Variants in EPB41L1 observed in about 807,000 individuals in gnomAD.
EPB41L1 encodes erythrocyte membrane protein band 4.1 like 1, also known as band 4.1-like protein 1.
A neutral mutation model predicts 97.8 loss-of-function variants in EPB41L1; 29 were observed. That is an observed-to-expected ratio of 0.30 (90% CI 0.22 to 0.40). The LOEUF (loss-of-function observed/expected upper bound fraction) is 0.40, where lower values mean the gene tolerates loss of function less well. EPB41L1 is among the 10% of genes least tolerant of loss of function. The probability of loss-of-function intolerance (pLI) is 1.00; values close to 1 mark genes in which losing one functional copy is unlikely to be tolerated. For synonymous variants in EPB41L1, 383 were observed against 459.2 expected (o/e 0.83, Z 2.12); for missense variants, 812 against 1,162.3 (o/e 0.70, Z 4.38).
chr20:36,185,217 G>A lies in EPB41L1; in HGVS notation c.667G>A (p.Glu223Lys). 1 of 1,613,850 alleles carries A rather than the reference G, an allele frequency of 6.2e-7. No homozygotes were observed. The highest frequency in any genetic ancestry group is 8.5e-7 in the Non-Finnish European group (1 of 1,180,044). The change falls in exon 7 of 22, where the codon GAG (glutamate) becomes AAG (lysine). Residue 223 changes from glutamate to lysine, a missense_variant. By Grantham distance (56) the Glu-to-Lys change is moderately conservative. Around this residue, in one of 3 missense-constraint regions of EPB41L1, gnomAD observed 230 missense variants for 445.2 expected, o/e 0.52. Transcript: ENST00000338074. ...ACTGGGCTCCTACGCTGTGCAGGCT[G>A]AGCTGGGTGACTATGATGCTGAGGA... ...ALLGSYAVQA[E>K]LGDYDAEEHV...
At chr20:36,210,172 GC>G (rs1212135874) in intron 15 of EPB41L1, among the ~76,000 whole-genome samples, 2 of 152,062 alleles carry the variant, frequency 1.3e-5, no homozygotes, top group Non-Finnish European at 2.9e-5. Context: ...TTGACCCCAT[GC>G]CCCCCCACCT....
Position 36,195,878 on chromosome 20 carries a change from G to A in EPB41L1, c.1485+514G>A, listed in dbSNP as rs991677823. ...GGGAGTGGGGATTGGGGGTGGGGGAGGGAGGTGCCTCAGAGCACACCTGCA... is the reference window on the plus strand; with the variant it reads ...GGGAGTGGGGATTGGGGGTGGGGGAAGGAGGTGCCTCAGAGCACACCTGCA... On this transcript the variant is annotated intron_variant, in intron 13 of 21. Transcript: ENST00000338074. The surrounding 1 kb of genome is among the most constrained non-coding windows in gnomAD (Gnocchi z 4.6). 3.3e-5 allele frequency among the ~76,000 whole-genome samples: 5 copies of A among 152,222 alleles called. No homozygotes were observed. The highest frequency in any genetic ancestry group is 1.2e-4 in the African/African-American group (5 of 41,544).
intron 17 of EPB41L1, among the ~76,000 whole-genome samples, chr20:36,214,717 G>T (rs891103592): frequency 6.6e-6 from 1 of 152,090 alleles, no homozygotes; most frequent in Non-Finnish European, 1.5e-5. Context: ...GAGAGAGAGA[G>T]GATGGTCTTC....
rs1166041123 is a variant in EPB41L1 at position 36,197,939 on chromosome 20, C to T, written c.1566C>T (p.Asn522=). The stretch of plus-strand genomic sequence containing the variant: ...TCAAAAGGACCCTGAAGGAGCCCAA[C>T]AGCAAACTCATCCACCGGGATCGAG... ...NELKRTLKEP[N]SKLIHRDRDW... is the part of the protein sequence containing the mutation. The change falls in exon 14 of 22, where the codon AAC becomes AAT. Residue 522 remains asparagine (N), a synonymous_variant. Transcript: ENST00000338074. The T allele has an allele frequency of 6.2e-7, 1 of 1,614,184 alleles. No individual in the cohort carries two copies. The highest frequency in any genetic ancestry group is 8.5e-7 in the Non-Finnish European group (1 of 1,180,038).
At chr20:36,163,921 A>C (rs2060634013) in intron 1 of EPB41L1, among the ~76,000 whole-genome samples, 1 of 152,046 alleles carries the variant, frequency 6.6e-6, no homozygotes, top group South Asian at 2.1e-4. Flanking sequence ...CAGTAGCATG[A>C]TCTTGGCTCA....
chr20:36,132,046 A>G (rs1216430434), intron 2 of EPB41L1, among the ~76,000 whole-genome samples: 1 of 152,210 alleles, frequency 6.6e-6, no homozygotes, highest in East Asian at 1.9e-4. Flanking sequence ...TCTGGCCCCA[A>G]GGAATCTCCC....
intron 11 of EPB41L1, 81 bp from the exon 12 acceptor site, chr20:36,194,131 T>C: frequency 2.5e-6 from 4 of 1,591,700 alleles, no homozygotes; most frequent in South Asian, 2.2e-5. Flanking sequence ...CCAGGCGTGG[T>C]TGGGCAGGGC....
At chr20:36,107,872 ATGAATATTTAG>A in intron 1 of EPB41L1, among the ~76,000 whole-genome samples, 39 of 152,150 alleles carry the variant, frequency 2.6e-4, no homozygotes, top group Admixed American at 2.6e-3. Flanking sequence ...TAAATATCTT[ATGAATATTTAG>A]CATCTGAATC....
chr20:36,144,539 T>TTA (rs2059766087), intron 2 of EPB41L1, among the ~76,000 whole-genome samples: 1 of 152,152 alleles, frequency 6.6e-6, no homozygotes, highest in Non-Finnish European at 1.5e-5. Flanking sequence ...CCCAGGACAG[T>TTA]TAAATCTGTC....
chr20:36,115,334 T>C (rs994400657), intron 2 of EPB41L1, among the ~76,000 whole-genome samples: 3 of 152,154 alleles, frequency 2.0e-5, no homozygotes, highest in Non-Finnish European at 4.4e-5. Flanking sequence ...CCTTTGCTTG[T>C]ATGCACGGAG....
chr20:36,137,144 G>A (rs762181146), intron 2 of EPB41L1, among the ~76,000 whole-genome samples: 1 of 145,798 alleles, frequency 6.9e-6, no homozygotes, highest in South Asian at 2.2e-4. Flanking sequence ...GCTCAATCTC[G>A]GTTCACTGCA....
chr20:36,187,669 C>T lies in EPB41L1; in HGVS notation c.786-7C>T, dbSNP rs750200480. 1.9e-6 allele frequency: 3 copies of T among 1,613,174 alleles called. No individual in the cohort carries two copies. Among genetic ancestry groups the T allele is most frequent in the Admixed American group, 3.3e-5 (2 of 59,974 alleles). ...TTGGTCACCTGTGATCACTTTCTTTCCCTCAGGGGGATGACCCCGGGAGAA... is the reference window on the plus strand; with the variant it reads ...TTGGTCACCTGTGATCACTTTCTTTTCCTCAGGGGGATGACCCCGGGAGAA... On this transcript the variant is annotated splice_polypyrimidine_tract_variant and splice_region_variant and intron_variant, in intron 7 of 21. Coordinates refer to ENST00000338074, the MANE Select transcript of EPB41L1 (RefSeq NM_012156.2).
chr20:36,214,646 T>C (rs575095432), intron 17 of EPB41L1, among the ~76,000 whole-genome samples: 13 of 152,316 alleles, frequency 8.5e-5, no homozygotes, highest in African/African-American at 2.6e-4. Flanking sequence ...AAGTGAGTAA[T>C]GTGGGCGATG....
chr20:36,127,478 C>A (rs1283200088), intron 2 of EPB41L1, among the ~76,000 whole-genome samples: 3 of 152,202 alleles, frequency 2.0e-5, no homozygotes, highest in African/African-American at 4.8e-5. Context: ...TGTCTCTGTC[C>A]TACCTCCTTA....
intron 1 of EPB41L1, among the ~76,000 whole-genome samples, chr20:36,172,150 C>G (rs183764362): frequency 6.6e-6 from 1 of 152,120 alleles, no homozygotes; most frequent in East Asian, 1.9e-4. Context: ...AGTGCAGTGG[C>G]TCAGTGAAAC....
At chr20:36,154,723 G>A, upstream of EPB41L1, 9 of 985,396 alleles carry the variant, frequency 9.1e-6, no homozygotes, top group Non-Finnish European at 9.6e-6. This position sits in a 1 kb window ranked among gnomAD's most constrained non-coding sequence, Gnocchi z 5.5. Context: ...AGCCGCCGCC[G>A]CCGCCGCCGC....
chr20:36,180,905 A>G (rs2061446320), intron 5 of EPB41L1, among the ~76,000 whole-genome samples: 1 of 152,218 alleles, frequency 6.6e-6, no homozygotes, highest in South Asian at 2.1e-4. Flanking sequence ...CCAGATGGCC[A>G]GAGTTAGGAT....
At chr20:36,149,413 G>A in intron 2 of EPB41L1, among the ~76,000 whole-genome samples, 1 of 152,214 alleles carries the variant, frequency 6.6e-6, no homozygotes, top group East Asian at 1.9e-4. Context: ...GGTTCCCACG[G>A]TCTGGGCTGG....
chr20:36,155,015 G>T (rs1291097079), intron 1 of EPB41L1, 119 bp downstream of exon 1: 10 of 961,960 alleles, frequency 1.0e-5, no homozygotes. Flanking sequence ...CAGGCTGTTG[G>T]TCCCCTGGCC....
Sources: allele counts gnomAD v4.1 joint callset (sites outside exome capture counted in the v4.1 genomes callset), GRCh38; gene constraint gnomAD v4.1.1; regional missense constraint gnomAD v4.1.1; non-coding constraint Gnocchi (gnomAD v3.1); transcripts MANE v1.5; gene names NCBI Gene and HGNC (gene_info 2026-07-23, HGNC 2026-07-21).